The following SNTG1 variants were observed in gnomAD, a reference collection of about 807,000 sequenced individuals.
SNTG1 encodes syntrophin gamma 1, also known as gamma-1-syntrophin.
SNTG1 carries 39 observed loss-of-function variants against 74.7 expected under a neutral mutation model. That is an observed-to-expected ratio of 0.52 (90% confidence interval 0.40 to 0.68). The LOEUF is 0.68. Among genes scored for constraint, SNTG1 ranks in the 30% least tolerant of loss-of-function variants. The pLI is 0.00. For missense variants in SNTG1, 685 were observed against 609.5 expected (o/e 1.12, Z -1.30); for synonymous variants, 254 against 217.1 (o/e 1.17, Z -1.49).
At chr8:50,573,312 A>G (rs2094559103) in intron 12 of SNTG1, among the ~76,000 whole-genome samples, 2 of 152,066 alleles carry the variant, frequency 1.3e-5, no homozygotes, top group South Asian at 4.1e-4. Context: ...GAAACAGGAC[A>G]ATATTTAAAA....
chr8:50,652,925 T>C (rs994627124), intron 13 of SNTG1, among the ~76,000 whole-genome samples: 3 of 152,030 alleles, frequency 2.0e-5, no homozygotes, highest in Admixed American at 1.3e-4. Context: ...AAGTCCTTTT[T>C]ATTTCTAGAA....
intron 1 of SNTG1, among the ~76,000 whole-genome samples, chr8:50,171,558 T>C (rs1302886701): frequency 6.6e-6 from 1 of 152,168 alleles, no homozygotes; most frequent in Non-Finnish European, 1.5e-5. Flanking sequence ...TTAATCTACT[T>C]TGGCAACACT....
At chr8:50,195,458 G>A (rs1227176839) in intron 2 of SNTG1, among the ~76,000 whole-genome samples, 1 of 152,118 alleles carries the variant, frequency 6.6e-6, no homozygotes, top group African/African-American at 2.4e-5. Context: ...CTGGCCAGGA[G>A]GTTTCTCGCC....
chr8:49,938,567 C>CTTTTG (rs1267072415), intron 1 of SNTG1, among the ~76,000 whole-genome samples: 422 of 28,424 alleles, frequency 0.015, no homozygotes, highest in African/African-American at 0.017. Context: ...GTTTTCTTTT[C>CTTTTG]TTTTCTTTTC....
chr8:50,185,813 T>C (rs551273164), intron 2 of SNTG1, among the ~76,000 whole-genome samples: 2 of 151,782 alleles, frequency 1.3e-5, no homozygotes, highest in East Asian at 3.9e-4. Flanking sequence ...TATAACACTA[T>C]TGTTTTTTAT....
intron 13 of SNTG1, among the ~76,000 whole-genome samples, chr8:50,647,660 A>T (rs1320717701): frequency 6.6e-6 from 1 of 152,184 alleles, no homozygotes; most frequent in African/African-American, 2.4e-5. Context: ...AATACATTTT[A>T]AAATAATAAC....
chr8:50,573,542 A>G (rs2094560547), intron 12 of SNTG1, among the ~76,000 whole-genome samples: 1 of 151,942 alleles, frequency 6.6e-6, no homozygotes, highest in Non-Finnish European at 1.5e-5. Flanking sequence ...CCTGAAAGTG[A>G]ATATTATTCC....
intron 15 of SNTG1, among the ~76,000 whole-genome samples, chr8:50,660,342 GAGAA>G (rs879494647): frequency 0.018 from 2,304 of 127,916 alleles, 32 homozygotes; most frequent in African/African-American, 0.054. Context: ...AAGAAAGAAA[GAGAA>G]AGAAAGAAAG....
chr8:50,326,014 A>G (rs962182971), intron 2 of SNTG1, among the ~76,000 whole-genome samples: 2 of 152,034 alleles, frequency 1.3e-5, no homozygotes, highest in African/African-American at 4.8e-5. Flanking sequence ...TAGCTTGTGA[A>G]TATGATAAAT....
intron 2 of SNTG1, among the ~76,000 whole-genome samples, chr8:50,219,980 C>T (rs12548500): frequency 0.087 from 13,310 of 152,184 alleles, 841 homozygotes; most frequent in Non-Finnish European, 0.13. Context: ...CAATCCTAAA[C>T]TTACCTAAAC....
intron 1 of SNTG1, among the ~76,000 whole-genome samples, chr8:49,991,683 G>A (rs929959101): frequency 2.6e-5 from 4 of 152,088 alleles, no homozygotes; most frequent in Admixed American, 1.3e-4. Flanking sequence ...AAAACATTAC[G>A]CTATTGAAAT....
intron 2 of SNTG1, among the ~76,000 whole-genome samples, chr8:50,343,948 G>A (rs557306809): frequency 1.4e-5 from 2 of 147,280 alleles, no homozygotes; most frequent in Admixed American, 1.3e-4. Context: ...GAATAAGATG[G>A]CTGGTGTTAG....
intron 18 of SNTG1, among the ~76,000 whole-genome samples, chr8:50,766,869 A>G (rs1585742444): frequency 1.3e-5 from 2 of 152,080 alleles, no homozygotes; most frequent in South Asian, 4.1e-4. Flanking sequence ...TTTTAAAATC[A>G]CCATCTTGAT....
chr8:49,995,645 G>A (rs1176111240), intron 1 of SNTG1, among the ~76,000 whole-genome samples: 1 of 152,198 alleles, frequency 6.6e-6, no homozygotes, highest in South Asian at 2.1e-4. Context: ...AAAGAATACT[G>A]CAGTGAAAAT....
chr8:50,117,120 C>A (rs946440470), intron 1 of SNTG1, among the ~76,000 whole-genome samples: 2 of 151,744 alleles, frequency 1.3e-5, no homozygotes, highest in African/African-American at 2.4e-5. Context: ...TAACATATTC[C>A]GTTCTTTCTG....
intron 4 of SNTG1, among the ~76,000 whole-genome samples, chr8:50,414,288 G>A (rs1030879122): frequency 6.6e-6 from 1 of 152,172 alleles, no homozygotes; most frequent in Admixed American, 6.6e-5. Context: ...GGCCACACAG[G>A]TAGAGACAAT....
intron 2 of SNTG1, among the ~76,000 whole-genome samples, chr8:50,249,456 C>G (rs1341132233): frequency 6.6e-6 from 1 of 152,226 alleles, no homozygotes; most frequent in Non-Finnish European, 1.5e-5. Flanking sequence ...TGTACCTGCC[C>G]CTAGCTTGAC....
At chr8:50,687,881 A>C (rs2095359661) in intron 15 of SNTG1, among the ~76,000 whole-genome samples, 1 of 152,080 alleles carries the variant, frequency 6.6e-6, no homozygotes, top group Non-Finnish European at 1.5e-5. Flanking sequence ...AATGGTGTAA[A>C]AGTGTTCCTA....
intron 2 of SNTG1, among the ~76,000 whole-genome samples, chr8:50,239,550 C>A (rs1240527781): frequency 6.6e-6 from 1 of 152,154 alleles, no homozygotes; most frequent in Non-Finnish European, 1.5e-5. Context: ...TCCAATTACT[C>A]AGTTGTAAAT....
Sources: gnomAD v4.1 joint callset for allele counts (sites outside exome capture counted in the v4.1 genomes callset) on GRCh38, gnomAD v4.1.1 for gene constraint, MANE v1.5 for transcripts, NCBI Gene and HGNC (gene_info 2026-07-23, HGNC 2026-07-21) for gene names.